The following TNR variants were observed in gnomAD, a reference collection of about 807,000 sequenced individuals.
TNR encodes tenascin-R.
Under a neutral mutation model 150.4 loss-of-function variants are expected in TNR, and 45 were observed. The ratio of observed to expected loss-of-function variants is 0.30; its 90% CI spans 0.24 to 0.38. The LOEUF is 0.38. Ranked by LOEUF, TNR falls within the 10% of genes least tolerant of loss-of-function variation. The pLI is 1.00. For synonymous variants in TNR, 687 were observed against 678.4 expected (o/e 1.01, Z -0.20); for missense variants, 1,544 against 1,759.1 (o/e 0.88, Z 2.19).
intron 1 of TNR, among the ~76,000 whole-genome samples, chr1:175,650,135 G>A (rs538071810): frequency 2.6e-5 from 4 of 152,128 alleles, no homozygotes; most frequent in East Asian, 1.9e-4. Context: ...TTATTGGGAG[G>A]CTGAGGCAGG....
chr1:175,401,098 C>A (rs1405173300), intron 4 of TNR, among the ~76,000 whole-genome samples: 3 of 152,132 alleles, frequency 2.0e-5, no homozygotes, highest in African/African-American at 7.2e-5. Flanking sequence ...AGGTAACGTG[C>A]TCATAGTTTG....
chr1:175,446,660 T>C (rs1407878318), intron 2 of TNR, among the ~76,000 whole-genome samples: 1 of 152,172 alleles, frequency 6.6e-6, no homozygotes, highest in Admixed American at 6.5e-5. Context: ...TTTTTTGCAA[T>C]GAACCCAAAT....
At chr1:175,493,929 TGA>T (rs899217786) in intron 2 of TNR, among the ~76,000 whole-genome samples, 10 of 152,102 alleles carry the variant, frequency 6.6e-5, no homozygotes, top group African/African-American at 2.4e-4. Context: ...GGAGCCTCCG[TGA>T]GATCCACTCT....
chr1:175,719,490 T>A (rs1241219815), intron 1 of TNR, among the ~76,000 whole-genome samples: 2 of 152,192 alleles, frequency 1.3e-5, no homozygotes, highest in Non-Finnish European at 2.9e-5. Context: ...AGGTACTTCA[T>A]CTCCCTCAGT....
chr1:175,361,411 T>C (rs1651581975), intron 14 of TNR, among the ~76,000 whole-genome samples: 1 of 152,176 alleles, frequency 6.6e-6, no homozygotes, highest in South Asian at 2.1e-4. Flanking sequence ...CCAACACTTG[T>C]TGATATTTTA....
At chr1:175,692,958 T>C (rs1392803408) in intron 1 of TNR, among the ~76,000 whole-genome samples, 2 of 152,192 alleles carry the variant, frequency 1.3e-5, no homozygotes. Flanking sequence ...CAACAAATAT[T>C]CATTGAACAT....
chr1:175,339,863 G>A (rs1343127012), intron 18 of TNR, among the ~76,000 whole-genome samples: 1 of 152,106 alleles, frequency 6.6e-6, no homozygotes, highest in African/African-American at 2.4e-5. Flanking sequence ...TCAGAATGGG[G>A]AAACAAACGA....
chr1:175,338,682 C>T (rs533630727), intron 18 of TNR, among the ~76,000 whole-genome samples: 28 of 152,106 alleles, frequency 1.8e-4, no homozygotes, highest in Non-Finnish European at 2.6e-4. Flanking sequence ...CTGCAGTATA[C>T]CCTAGTGGCA....
intron 2 of TNR, among the ~76,000 whole-genome samples, chr1:175,482,577 T>A (rs1324154000): frequency 4.6e-5 from 7 of 152,174 alleles, no homozygotes; most frequent in Admixed American, 2.0e-4. Context: ...CAAAGAACAG[T>A]AACATTCTGT....
chr1:175,547,822 T>C (rs976242291), intron 1 of TNR, among the ~76,000 whole-genome samples: 2 of 152,104 alleles, frequency 1.3e-5, no homozygotes. Flanking sequence ...CATAGGTGTA[T>C]GGGGCACAGC....
At chr1:175,519,501 A>G (rs144960270) in intron 2 of TNR, among the ~76,000 whole-genome samples, 48 of 152,288 alleles carry the variant, frequency 3.2e-4, no homozygotes, top group African/African-American at 1.1e-3. Context: ...TGTTGCATTG[A>G]TCACTATCAA....
chr1:175,735,674 TG>T (rs1487148796), intron 1 of TNR, among the ~76,000 whole-genome samples: 1 of 151,742 alleles, frequency 6.6e-6, no homozygotes, highest in Non-Finnish European at 1.5e-5. Context: ...AGCCAGGAGG[TG>T]GTTGTTAGAT....
intron 1 of TNR, among the ~76,000 whole-genome samples, chr1:175,623,674 G>C (rs1359720440): frequency 6.6e-6 from 1 of 152,230 alleles, no homozygotes; most frequent in Non-Finnish European, 1.5e-5. Context: ...CTCACACCCT[G>C]TCCTTTGCCA....
At chr1:175,425,704 T>A (rs1654938484) in intron 2 of TNR, among the ~76,000 whole-genome samples, 1 of 152,308 alleles carries the variant, frequency 6.6e-6, no homozygotes, top group Non-Finnish European at 1.5e-5. Context: ...CTCCACACAT[T>A]TTCCCCTGGC....
At chr1:175,705,426 A>G (rs1273768735) in intron 1 of TNR, among the ~76,000 whole-genome samples, 1 of 152,240 alleles carries the variant, frequency 6.6e-6, no homozygotes, top group Non-Finnish European at 1.5e-5. Flanking sequence ...ATGAAATTAA[A>G]TGTAAGTGTT....
chr1:175,572,191 G>A (rs991992615), intron 1 of TNR, among the ~76,000 whole-genome samples: 1 of 152,186 alleles, frequency 6.6e-6, no homozygotes. Flanking sequence ...AACGACCTCA[G>A]CCTGAGCCTA....
In TNR at chr1:175,324,314, A is replaced by T. The variant is rs370395117; in HGVS notation, c.3957+42T>A. Reference sequence around the variant, plus strand: ...ATAAAGCTAAGGGAGCACGGATTCCACAGCTCTGGCTCATTCATAGCAGAG... The same window carrying T: ...ATAAAGCTAAGGGAGCACGGATTCCTCAGCTCTGGCTCATTCATAGCAGAG... On this transcript the variant is annotated intron_variant, in intron 22 of 22. Coordinates refer to ENST00000367674, the MANE Select transcript of TNR (RefSeq NM_003285.3). The T allele has an allele frequency of 1.9e-6, 3 of 1,594,024 alleles. No individual in the cohort carries two copies. In the African/African-American group the frequency reaches 4.0e-5, roughly 21 times the overall value.
At chr1:175,619,298 G>A (rs1359355574) in intron 1 of TNR, among the ~76,000 whole-genome samples, 1 of 152,160 alleles carries the variant, frequency 6.6e-6, no homozygotes, top group Non-Finnish European at 1.5e-5. Context: ...GGAACATCTA[G>A]TATTTATAGA....
At chr1:175,733,900 T>C (rs1667706483) in intron 1 of TNR, among the ~76,000 whole-genome samples, 1 of 151,884 alleles carries the variant, frequency 6.6e-6, no homozygotes, top group African/African-American at 2.4e-5. Context: ...GCTACACTCC[T>C]GCTTCTTGCC....
Sources: gnomAD v4.1 joint callset for allele counts (sites outside exome capture counted in the v4.1 genomes callset) on GRCh38, gnomAD v4.1.1 for gene constraint, MANE v1.5 for transcripts, NCBI Gene and HGNC (gene_info 2026-07-23, HGNC 2026-07-21) for gene names.